Variants in ARHGEF10L observed in about 807,000 individuals in gnomAD.
ARHGEF10L encodes Rho guanine nucleotide exchange factor 10 like.
ARHGEF10L carries 69 observed loss-of-function variants against 141.2 expected under a neutral mutation model. The observed-to-expected ratio is 0.49, with a 90% CI of 0.40 to 0.60. The LOEUF is 0.60. Ranked by LOEUF, ARHGEF10L falls within the 20% of genes least tolerant of loss-of-function variation. The pLI, the probability that ARHGEF10L is intolerant of heterozygous loss-of-function variation, is 0.00. For missense variants in ARHGEF10L, 1,482 were observed against 1,734.3 expected (o/e 0.85, Z 2.58); for synonymous variants, 711 against 718.5 (o/e 0.99, Z 0.17).
At chr1:17,661,901 C>A (rs113204069) in intron 25 of ARHGEF10L, among the ~76,000 whole-genome samples, 101 of 151,254 alleles carry the variant, frequency 6.7e-4, no homozygotes, top group African/African-American at 2.4e-3. Flanking sequence ...CCTGAGAGGG[C>A]AGTGGGGTTG....
Position 17,624,439 on chromosome 1 carries a change from C to T in ARHGEF10L, c.1253C>T (p.Thr418Ile), listed in dbSNP as rs749238083. ...DVYSDYVNNFTSAMSIIKKAC... is the reference protein window; with the variant it reads ...DVYSDYVNNFISAMSIIKKAC... ...TACAGTGACTACGTGAACAACTTCA[C>T]CAGTGCCATGTCCATCATCAAGAAG... The change falls in exon 13 of 29, where the codon ACC (threonine) becomes ATC (isoleucine). Residue 418 changes from threonine to isoleucine, a missense_variant. By Grantham distance (89) the Thr-to-Ile change is moderately conservative. Coordinates refer to ENST00000361221, the MANE Select transcript of ARHGEF10L (RefSeq NM_018125.4). 1.2e-6 allele frequency: 2 copies of T among 1,614,250 alleles called. No individual in the cohort carries two copies. The highest frequency in any genetic ancestry group is 1.1e-5 in the South Asian group (1 of 91,078).
intron 4 of ARHGEF10L, among the ~76,000 whole-genome samples, chr1:17,591,556 G>A (rs184393313): frequency 0.01 from 1,590 of 152,102 alleles, 13 homozygotes; most frequent in South Asian, 0.021. Flanking sequence ...GATTACAGGT[G>A]TGTGCCACCA....
At position 17,619,293 on chromosome 1, in the gene ARHGEF10L, T is replaced by A. The variant is rs1170484722; in HGVS notation, c.836-46T>A. On this transcript the variant is annotated intron_variant, in intron 9 of 28. Transcript: ENST00000361221. This position sits in a 1 kb window ranked among gnomAD's most constrained non-coding sequence, Gnocchi z 5.0. ...CAGCTCCTGAGGCCTGAGCAGGGTG[T>A]GCTGTCCCTGCCTTAGCTGTGTCAT... 6.5e-7 allele frequency: 1 copy of A among 1,549,922 alleles called. No homozygotes were observed. The highest frequency in any genetic ancestry group is 1.1e-5 in the South Asian group (1 of 87,770).
chr1:17,589,887 C>T (rs4920379), intron 4 of ARHGEF10L, among the ~76,000 whole-genome samples: 58,917 of 151,562 alleles, frequency 0.39, 11,966 homozygotes, highest in East Asian at 0.55. Flanking sequence ...TGGAGGGGAG[C>T]AAGGATGGGG....
At position 17,590,193 on chromosome 1, in the gene ARHGEF10L, C is replaced by T. The variant is rs139403170; in HGVS notation, c.257+1714C>T. 6.1e-3 allele frequency among the ~76,000 whole-genome samples: 936 copies of T among 152,278 alleles called. 10 individuals carry two copies. The highest frequency in any genetic ancestry group is 0.02 in the African/African-American group (850 of 41,562). On this transcript the variant is annotated intron_variant, in intron 4 of 28. Coordinates refer to ENST00000361221, the MANE Select transcript of ARHGEF10L (RefSeq NM_018125.4). ...GCTGGGCCACCGTGCTTCTCTGCCT[C>T]CAGGAGCTCATGCGCTGGTCCCTGA...
In ARHGEF10L at chr1:17,654,497, T is replaced by TATCATTAAAA; in HGVS notation, c.2395-139_2395-138insATCATTAAAA. The TATCATTAAAA allele has an allele frequency of 6.5e-6, 5 of 772,378 alleles. No homozygotes were observed. The highest frequency in any genetic ancestry group is 2.8e-5 in the South Asian group (2 of 70,228). The allele number at this position is 772,378 out of a possible 1,614,324, so 47.8% of individuals were successfully genotyped here. On this transcript the variant is annotated intron_variant, in intron 22 of 28. Coordinates refer to ENST00000361221, the MANE Select transcript of ARHGEF10L (RefSeq NM_018125.4). The surrounding 1 kb of genome is among the most constrained non-coding windows in gnomAD (Gnocchi z 4.3). ...AACTGCCTGGAGAAGCAGGCACTCG[T>TATCATTAAAA]GAAGCATGTTGCTTTCCTGGCCCCC...
the ARHGEF10L span, among the ~76,000 whole-genome samples, chr1:17,524,592 G>T: frequency 6.6e-6 from 1 of 152,066 alleles, no homozygotes; most frequent in African/African-American, 2.4e-5. Flanking sequence ...TTATATATGT[G>T]TATGTATAAA....
intron 26 of ARHGEF10L, among the ~76,000 whole-genome samples, chr1:17,686,101 TC>T (rs1558033488): frequency 7.2e-5 from 10 of 138,756 alleles, no homozygotes; most frequent in African/African-American, 3.1e-4. Context: ...TTTCTTTCTT[TC>T]TTTCTTTTTT....
At chr1:17,532,719 C>T in the ARHGEF10L span, among the ~76,000 whole-genome samples, 8 of 151,796 alleles carry the variant, frequency 5.3e-5, no homozygotes, top group Non-Finnish European at 1.0e-4. Context: ...CTCAGCCTCC[C>T]GAGTAGCTGG....
intron 4 of ARHGEF10L, among the ~76,000 whole-genome samples, chr1:17,591,679 A>G (rs2079558120): frequency 6.6e-6 from 1 of 151,852 alleles, no homozygotes; most frequent in Non-Finnish European, 1.5e-5. Flanking sequence ...CCCAAAGTGC[A>G]GGGATTATAG....
At chr1:17,653,285 C>T (rs1208965217) in intron 22 of ARHGEF10L, among the ~76,000 whole-genome samples, 2 of 152,214 alleles carry the variant, frequency 1.3e-5, no homozygotes, top group Non-Finnish European at 2.9e-5. Flanking sequence ...TTCGTGCTCC[C>T]CTCCTCTCTT....
chr1:17,632,859 G>C (rs150258348), intron 16 of ARHGEF10L, among the ~76,000 whole-genome samples: 1 of 152,342 alleles, frequency 6.6e-6, no homozygotes, highest in East Asian at 1.9e-4. Context: ...TTCTCAGTGT[G>C]AGCCTTTGCC....
chr1:17,525,632 C>G, the ARHGEF10L span, among the ~76,000 whole-genome samples: 2 of 152,154 alleles, frequency 1.3e-5, no homozygotes, highest in Non-Finnish European at 2.9e-5. Flanking sequence ...GCACTCCAGC[C>G]TGGGCAACAG....
upstream of ARHGEF10L, among the ~76,000 whole-genome samples, chr1:17,536,073 A>C (rs1029986079): frequency 6.6e-6 from 1 of 152,254 alleles, no homozygotes; most frequent in African/African-American, 2.4e-5. Flanking sequence ...TGTTGACAGC[A>C]CTAAAAAGCA....
intron 4 of ARHGEF10L, among the ~76,000 whole-genome samples, chr1:17,598,515 G>A (rs74059339): frequency 0.019 from 2,931 of 152,282 alleles, 83 homozygotes; most frequent in African/African-American, 0.066. Context: ...CCTTCTCACT[G>A]TGTCCTTACA....
At chr1:17,640,157 C>G in intron 20 of ARHGEF10L, 45 bp from the exon 21 acceptor site, 7 of 1,580,852 alleles carry the variant, frequency 4.4e-6, no homozygotes, top group Non-Finnish European at 6.0e-6. Context: ...GAGCCTGGCC[C>G]TTGTGTGGGT....
chr1:17,648,307 G>A (rs1557926466), intron 21 of ARHGEF10L, among the ~76,000 whole-genome samples: 1 of 152,218 alleles, frequency 6.6e-6, no homozygotes, highest in African/African-American at 2.4e-5. Context: ...GACTGGCACA[G>A]GGTTGTTCAG....
chr1:17,576,913 C>A (rs1245633965), intron 1 of ARHGEF10L, among the ~76,000 whole-genome samples: 1 of 152,232 alleles, frequency 6.6e-6, no homozygotes, highest in African/African-American at 2.4e-5. Context: ...GTGGGCAGTG[C>A]CCTCCTCCTT....
chr1:17,614,028 C>T lies in ARHGEF10L; in HGVS notation c.726+854C>T, dbSNP rs186211253. On this transcript the variant is annotated intron_variant, in intron 8 of 28. Transcript: ENST00000361221. ...TATCTACATGCCTGACCGCCCTGTC[C>T]TTGTGGCACTCTGGGCAGTAGCTGC... Among the ~76,000 whole-genome samples the T allele has an allele frequency of 2.0e-4, 30 of 152,354 alleles. No individual in the cohort carries two copies. The East Asian group carries it at 5.6e-3, about 28-fold the overall frequency.
Sources: gnomAD v4.1 joint callset for allele counts (sites outside exome capture counted in the v4.1 genomes callset) on GRCh38, gnomAD v4.1.1 for gene constraint, Gnocchi (gnomAD v3.1) non-coding constraint, MANE v1.5 for transcripts, NCBI Gene and HGNC (gene_info 2026-07-23, HGNC 2026-07-21) for gene names.